ANXA6: variants seen among roughly 807,000 people sequenced by gnomAD.
ANXA6 encodes the protein annexin A6, also known as 67 kDa calelectrin.
In ANXA6, 71 loss-of-function variants were observed where a neutral mutation model predicts 95.4. That is an observed-to-expected ratio of 0.74 (90% confidence interval 0.61 to 0.91). The LOEUF is 0.91. Ranked by LOEUF, ANXA6 falls within the 40% of genes least tolerant of loss-of-function variation. The probability of loss-of-function intolerance (pLI) is 0.00; values close to 1 mark genes in which losing one functional copy is unlikely to be tolerated. For synonymous variants in ANXA6, 289 were observed against 315.9 expected (o/e 0.91, Z 0.90); for missense variants, 830 against 876.4 (o/e 0.95, Z 0.67).
chr5:151,148,499 A>G (rs1381138842), intron 1 of ANXA6, among the ~76,000 whole-genome samples: 1 of 152,230 alleles, frequency 6.6e-6, no homozygotes, highest in East Asian at 1.9e-4. Flanking sequence ...TATCTGAAGG[A>G]CTGTCATTCC....
At chr5:151,107,040 C>G (rs1764712293) in intron 23 of ANXA6, among the ~76,000 whole-genome samples, 1 of 152,152 alleles carries the variant, frequency 6.6e-6, no homozygotes, top group Non-Finnish European at 1.5e-5. Flanking sequence ...AGGTAGGCAG[C>G]CTGTGGTTTG....
At chr5:151,122,844 G>A (rs778553671) in intron 16 of ANXA6, 73 bp downstream of exon 16, 143 of 1,376,064 alleles carry the variant, frequency 1.0e-4, no homozygotes, top group East Asian at 1.1e-4. Context: ...GTGCAGAACC[G>A]ATGGGGACAG....
intron 25 of ANXA6, among the ~76,000 whole-genome samples, chr5:151,101,909 G>A (rs770287334): frequency 9.2e-5 from 14 of 152,334 alleles, no homozygotes; most frequent in Non-Finnish European, 1.5e-4. Flanking sequence ...ACTCTCTTGC[G>A]TCAGGAGGCA....
intron 17 of ANXA6, 35 bp downstream of exon 17, chr5:151,122,112 C>A: frequency 7.1e-7 from 1 of 1,415,336 alleles, no homozygotes; most frequent in Admixed American, 2.6e-5. Context: ...CTATTGGCAC[C>A]CGCAGACACT....
Position 151,101,513 on chromosome 5 carries a change from A to C in ANXA6, c.1963-6T>G. 1 of 1,557,796 alleles carries C rather than the reference A, an allele frequency of 6.4e-7. No homozygotes were observed. The highest frequency in any genetic ancestry group is 1.2e-5 in the South Asian group (1 of 84,318). On this transcript the variant is annotated splice_region_variant and splice_polypyrimidine_tract_variant and intron_variant, in intron 25 of 25. Coordinates refer to ENST00000354546, the MANE Select transcript of ANXA6 (RefSeq NM_001155.5). ...AAGTCTCCGGAGGTGTCACCCTGGC[A>C]GAGGCAGAGAGCAGAGTGAGTGAAA...
chr5:151,111,753 T>C (rs1764856036), intron 20 of ANXA6, among the ~76,000 whole-genome samples: 1 of 149,978 alleles, frequency 6.7e-6, no homozygotes, highest in African/African-American at 2.5e-5. Context: ...CACATCCAGC[T>C]AATTTTTTTA....
At position 151,129,575 on chromosome 5, in the gene ANXA6, A is replaced by G. The variant is rs536417363; in HGVS notation, c.796-46T>C. 4 of 1,558,724 alleles carry G rather than the reference A, an allele frequency of 2.6e-6. No homozygotes were observed. In the African/African-American group the frequency reaches 4.1e-5, roughly 16 times the overall value. Reference sequence around the variant, plus strand: ...GGGAACATGGACTTGAGAGGAGGCTAGAGTGCTGATAGCTCCCAGCTTAGT... The same window carrying G: ...GGGAACATGGACTTGAGAGGAGGCTGGAGTGCTGATAGCTCCCAGCTTAGT... On this transcript the variant is annotated intron_variant, in intron 11 of 25. Transcript: ENST00000354546.
chr5:151,154,588 C>A (rs1345406061), intron 1 of ANXA6, among the ~76,000 whole-genome samples: 1 of 152,066 alleles, frequency 6.6e-6, no homozygotes, highest in Non-Finnish European at 1.5e-5. Flanking sequence ...AGGAAGACAC[C>A]CAGGACCCGC....
At chr5:151,137,397 G>C in intron 5 of ANXA6, 76 bp from the exon 6 acceptor site, 1 of 1,243,016 alleles carries the variant, frequency 8.0e-7, no homozygotes, top group South Asian at 1.3e-5. Context: ...ATCAGGGAGT[G>C]GCCAGAGCTA....
At chr5:151,122,339 A>G (rs1185863307) in intron 16 of ANXA6, 79 bp from the exon 17 acceptor site, 3 of 772,766 alleles carry the variant, frequency 3.9e-6, no homozygotes, top group Non-Finnish European at 6.3e-6. Flanking sequence ...ATGGAAAGAG[A>G]AAACAGGGGT....
chr5:151,132,891 T>C (rs567487034), intron 9 of ANXA6, among the ~76,000 whole-genome samples: 1 of 151,432 alleles, frequency 6.6e-6, no homozygotes, highest in South Asian at 2.1e-4. Flanking sequence ...GGTGCAAAAG[T>C]AATTGCGGTT....
Position 151,128,248 on chromosome 5 carries a change from A to G in ANXA6, c.919-9T>C, listed in dbSNP as rs62379666. ...TCGCCAGAGGTGTCATTCTGAAGAGAAAGAAAGAAAGGTTACCTCTCACCC... is the reference window on the plus strand; with the variant it reads ...TCGCCAGAGGTGTCATTCTGAAGAGGAAGAAAGAAAGGTTACCTCTCACCC... On this transcript the variant is annotated splice_polypyrimidine_tract_variant and intron_variant, in intron 12 of 25. Transcript: ENST00000354546. The G allele has an allele frequency of 3.9e-3, 6,305 of 1,605,462 alleles. 22 individuals are homozygous for G. Among genetic ancestry groups the G allele is most frequent in the Admixed American group, 4.5e-3 (264 of 59,180 alleles).
chr5:151,101,510 G>A lies in ANXA6; in HGVS notation c.1963-3C>T. ...AGGAAGTCTCCGGAGGTGTCACCCT[G>A]GCAGAGGCAGAGAGCAGAGTGAGTG... On this transcript the variant is annotated splice_region_variant and splice_polypyrimidine_tract_variant and intron_variant, in intron 25 of 25. Coordinates refer to ENST00000354546, the MANE Select transcript of ANXA6 (RefSeq NM_001155.5). The A allele has an allele frequency of 6.4e-7, 1 of 1,558,192 alleles. No homozygotes were observed. Among genetic ancestry groups the A allele is most frequent in the Non-Finnish European group, 8.7e-7 (1 of 1,150,862 alleles).
intron 20 of ANXA6, among the ~76,000 whole-genome samples, chr5:151,115,351 G>T (rs73799445): frequency 0.013 from 1,933 of 152,254 alleles, 39 homozygotes; most frequent in African/African-American, 0.044. Context: ...ATGAGCTTGG[G>T]TCTAGCATCC....
At chr5:151,111,332 T>C (rs1764841963) in intron 20 of ANXA6, among the ~76,000 whole-genome samples, 1 of 152,248 alleles carries the variant, frequency 6.6e-6, no homozygotes, top group African/African-American at 2.4e-5. Context: ...CTCATGTACC[T>C]AGGCTGCGTA....
chr5:151,126,364 TGGTCAA>T, intron 14 of ANXA6, 32 bp downstream of exon 14: 1 of 1,555,890 alleles, frequency 6.4e-7, no homozygotes, highest in South Asian at 1.2e-5. Context: ...AGAGAAGCTG[TGGTCAA>T]GAGGTCAAGC....
Position 151,134,358 on chromosome 5 carries a change from G to A in ANXA6, c.546+69C>T. 4 of 1,535,802 alleles carry A rather than the reference G, an allele frequency of 2.6e-6. No individual in the cohort carries two copies. The South Asian group carries it at 3.4e-5, about 13-fold the overall frequency. ...ATGACTTCACCTCCAGCCCTTCCCAGGGCCCCAACCTCTCCCCTCCCAAGG... is the reference window on the plus strand; with the variant it reads ...ATGACTTCACCTCCAGCCCTTCCCAAGGCCCCAACCTCTCCCCTCCCAAGG... On this transcript the variant is annotated intron_variant, in intron 8 of 25. Transcript: ENST00000354546.
At chr5:151,134,545 T>C in intron 7 of ANXA6, 62 bp from the exon 8 acceptor site, 5 of 1,569,940 alleles carry the variant, frequency 3.2e-6, no homozygotes, top group Non-Finnish European at 4.4e-6. Flanking sequence ...GAGGCCTGGA[T>C]GCCAGTGGTG....
rs767657144 is a variant in ANXA6 at position 151,133,125 on chromosome 5, C to T, written c.609G>A (p.Leu203=). Residue 203 remains leucine (L), a synonymous_variant, in exon 9 of 26, where the codon TTG becomes TTA. Transcript: ENST00000354546. ...GAAGATGCTGCTTGCTGCGATTTCCCAAGATGTAAATGAACTGGGCTTCAT... is the reference window on the plus strand; with the variant it reads ...GAAGATGCTGCTTGCTGCGATTTCCTAAGATGTAAATGAACTGGGCTTCAT... ...GTDEAQFIYI[L]GNRSKQHLRL... 1.9e-6 allele frequency: 3 copies of T among 1,599,458 alleles called. No individual in the cohort carries two copies. The highest frequency in any genetic ancestry group is 3.4e-5 in the Admixed American group (2 of 58,284).
Sources: gnomAD v4.1 joint callset for allele counts (sites outside exome capture counted in the v4.1 genomes callset) on GRCh38, gnomAD v4.1.1 for gene constraint, MANE v1.5 for transcripts, NCBI Gene and HGNC (gene_info 2026-07-23, HGNC 2026-07-21) for gene names.